The following ELAVL2 variants were observed in gnomAD, a reference collection of about 807,000 sequenced individuals.
ELAVL2 encodes the protein ELAV-like protein 2.
ELAVL2 carries 4 observed loss-of-function variants against 34.6 expected under a neutral mutation model. The observed-to-expected ratio is 0.12, with a 90% CI of 0.06 to 0.26. The LOEUF (loss-of-function observed/expected upper bound fraction) is 0.26. Ranked by LOEUF, ELAVL2 falls within the 10% of genes least tolerant of loss-of-function variation. The pLI, the probability that ELAVL2 is intolerant of heterozygous loss-of-function variation, is 1.00. For missense variants in ELAVL2, 432 were observed against 442.8 expected, an observed-to-expected ratio of 0.98 and a Z score of 0.22; for synonymous variants, 193 against 154.8, an observed-to-expected ratio of 1.25 and a Z score of -1.83.
At chr9:23,769,005 C>CA (rs1014856408) in intron 1 of ELAVL2, among the ~76,000 whole-genome samples, 3 of 151,954 alleles carry the variant, frequency 2.0e-5, no homozygotes, top group Admixed American at 2.0e-4. Context: ...CCAGCCTAAA[C>CA]AGAGTGAACT....
intron 1 of ELAVL2, among the ~76,000 whole-genome samples, chr9:23,771,005 A>G (rs537788741): frequency 5.3e-5 from 8 of 152,322 alleles, no homozygotes; most frequent in African/African-American, 1.9e-4. Flanking sequence ...GAAGGCCACC[A>G]TAACAAAAAA....
At chr9:23,760,327 C>G (rs895356348) in intron 2 of ELAVL2, among the ~76,000 whole-genome samples, 3 of 151,936 alleles carry the variant, frequency 2.0e-5, no homozygotes, top group African/African-American at 7.3e-5. Flanking sequence ...CTTTTGTGCT[C>G]TGTTCATGCA....
At chr9:23,830,246 A>T (rs1038545132), upstream of ELAVL2, 1 of 152,086 alleles carries the variant, frequency 6.6e-6, no homozygotes, top group Non-Finnish European at 1.5e-5. Flanking sequence ...TCCACCCCCT[A>T]GCAAAGGGGT....
chr9:23,785,143 T>G (rs1280050954), intron 1 of ELAVL2, among the ~76,000 whole-genome samples: 1 of 152,196 alleles, frequency 6.6e-6, no homozygotes, highest in Non-Finnish European at 1.5e-5. Context: ...GTTTTACTTC[T>G]TATTGTACTT....
At chr9:23,802,805 G>T (rs2061728707) in intron 1 of ELAVL2, among the ~76,000 whole-genome samples, 1 of 152,170 alleles carries the variant, frequency 6.6e-6, no homozygotes, top group African/African-American at 2.4e-5. Context: ...AGACGTTAAA[G>T]AAATGTAAAA....
intron 3 of ELAVL2, among the ~76,000 whole-genome samples, chr9:23,719,033 C>A (rs190386967): frequency 6.6e-6 from 1 of 152,078 alleles, no homozygotes; most frequent in Non-Finnish European, 1.5e-5. Context: ...CTTCACTGTA[C>A]GCAATAAAGA....
At chr9:23,697,255 A>G (rs2035578077) in intron 5 of ELAVL2, among the ~76,000 whole-genome samples, 1 of 152,222 alleles carries the variant, frequency 6.6e-6, no homozygotes, top group African/African-American at 2.4e-5. Flanking sequence ...TAAGGGAAAT[A>G]CAAGTAAATA....
intron 1 of ELAVL2, among the ~76,000 whole-genome samples, chr9:23,769,599 A>G (rs1588296423): frequency 6.6e-6 from 1 of 152,332 alleles, no homozygotes; most frequent in Non-Finnish European, 1.5e-5. Context: ...CAAAGGATTT[A>G]TTCAATCTAG....
intron 2 of ELAVL2, among the ~76,000 whole-genome samples, chr9:23,753,430 A>G (rs916523096): frequency 2.0e-5 from 3 of 152,160 alleles, no homozygotes; most frequent in African/African-American, 7.2e-5. Flanking sequence ...AAAGTTAAAA[A>G]AAAAATAAAA....
intron 1 of ELAVL2, among the ~76,000 whole-genome samples, chr9:23,803,217 T>A (rs1031074560): frequency 7.9e-5 from 12 of 152,184 alleles, no homozygotes; most frequent in African/African-American, 2.7e-4. Context: ...GAAAAAAACG[T>A]GAATCATCTC....
At chr9:23,736,706 C>T (rs533129374) in intron 2 of ELAVL2, among the ~76,000 whole-genome samples, 29 of 152,260 alleles carry the variant, frequency 1.9e-4, no homozygotes, top group African/African-American at 6.7e-4. Flanking sequence ...TTATTCTGGC[C>T]CTGATCACTG....
intron 3 of ELAVL2, among the ~76,000 whole-genome samples, chr9:23,724,449 A>G (rs963610255): frequency 2.0e-5 from 3 of 152,094 alleles, no homozygotes; most frequent in Non-Finnish European, 4.4e-5. Flanking sequence ...CAGGACATTC[A>G]AGCTCTGGAC....
At chr9:23,786,263 A>C (rs959552884) in intron 1 of ELAVL2, among the ~76,000 whole-genome samples, 7 of 152,222 alleles carry the variant, frequency 4.6e-5, no homozygotes, top group Non-Finnish European at 8.8e-5. Context: ...TATAACCATA[A>C]TACCTAATTT....
At chr9:23,723,099 G>C (rs994451144) in intron 3 of ELAVL2, among the ~76,000 whole-genome samples, 6 of 152,162 alleles carry the variant, frequency 3.9e-5, no homozygotes, top group Non-Finnish European at 8.8e-5. Context: ...TTGTAAATTT[G>C]TTTGAGTTCA....
At chr9:23,831,622 G>C in the ELAVL2 span, 1 of 152,234 alleles carries the variant, frequency 6.6e-6, no homozygotes, top group Non-Finnish European at 1.5e-5. Context: ...CAAACTTCAC[G>C]CTTGATAAGG....
intron 1 of ELAVL2, among the ~76,000 whole-genome samples, chr9:23,804,811 C>CACCA (rs2062012873): frequency 6.6e-6 from 1 of 152,180 alleles, no homozygotes; most frequent in Non-Finnish European, 1.5e-5. Flanking sequence ...AGGTCACAGT[C>CACCA]ACCAACCACA....
At chr9:23,725,867 C>CT (rs1248827568) in intron 3 of ELAVL2, among the ~76,000 whole-genome samples, 6 of 152,098 alleles carry the variant, frequency 3.9e-5, no homozygotes, top group African/African-American at 1.2e-4. Context: ...CCATGAAAAG[C>CT]TTTTTTTCCT....
rs77632639 is a variant in ELAVL2, at chr9:23,819,429, T to C, written c.-16+6377A>G. Among the ~76,000 whole-genome samples, 795 of 152,132 alleles carry C rather than the reference T, an allele frequency of 5.2e-3. 7 individuals carry two copies. Among genetic ancestry groups the C allele is most frequent in the African/African-American group, 0.017 (724 of 41,514 alleles). On this transcript the variant is annotated intron_variant, in intron 1 of 6. Coordinates refer to ENST00000397312, the MANE Select transcript of ELAVL2 (RefSeq NM_004432.5). ...TCCATAGTAACCTTTTGACACTGAGTGTCAAAAGAGTGGTAGACACTGACC... is the reference window on the plus strand; with the variant it reads ...TCCATAGTAACCTTTTGACACTGAGCGTCAAAAGAGTGGTAGACACTGACC...
chr9:23,779,927 T>C (rs1378394707), intron 1 of ELAVL2, among the ~76,000 whole-genome samples: 1 of 139,662 alleles, frequency 7.2e-6, no homozygotes, highest in Admixed American at 8.0e-5. Flanking sequence ...AGTATTATGT[T>C]AATGCTATTG....
Sources: gnomAD v4.1 joint callset for allele counts (sites outside exome capture counted in the v4.1 genomes callset) on GRCh38, gnomAD v4.1.1 for gene constraint, MANE v1.5 for transcripts, NCBI Gene and HGNC (gene_info 2026-07-23, HGNC 2026-07-21) for gene names.